DDX59: variants seen among roughly 807,000 people sequenced by gnomAD.
DDX59 encodes the protein DEAD-box helicase 59, also known as probable ATP-dependent RNA helicase DDX59.
In DDX59, 30 loss-of-function variants were observed where a neutral mutation model predicts 51.9. The observed-to-expected ratio is 0.58, with a 90% CI of 0.43 to 0.78. The LOEUF is 0.78. Ranked by LOEUF, DDX59 falls within the 30% of genes least tolerant of loss-of-function variation. The probability of loss-of-function intolerance (pLI) is 0.00; values close to 1 mark genes in which losing one functional copy is unlikely to be tolerated. For synonymous variants in DDX59, 255 were observed against 253.3 expected (o/e 1.01, Z -0.06); for missense variants, 672 against 730.8 (o/e 0.92, Z 0.93).
At chr1:200,652,585 A>AC (rs1430046427) in intron 4 of DDX59, among the ~76,000 whole-genome samples, 3 of 150,382 alleles carry the variant, frequency 2.0e-5, no homozygotes, top group African/African-American at 7.4e-5. Flanking sequence ...CCCAGGCTCC[A>AC]CCCCCACTTT....
Position 200,666,320 on chromosome 1 carries a change from C to G in DDX59, c.421G>C (p.Glu141Gln). The change falls in exon 2 of 8, where the codon GAA becomes CAA. Residue 141 changes from glutamate (E) to glutamine (Q), a missense_variant. Coordinates refer to ENST00000331314, the MANE Select transcript of DDX59 (RefSeq NM_001031725.6). ...CKAKHLLQVK[E>Q]KEEKSKLSNP... is the part of the protein sequence containing the mutation. ...CTGAGTTTTGATTTCTCTTCCTTTT[C>G]CTTAACTTGTAGAAGATGTTTCGCT... is the stretch of plus-strand genomic sequence containing the variant. The G allele has an allele frequency of 2.5e-6, 4 of 1,614,188 alleles. No individual in the cohort carries two copies. Among genetic ancestry groups the G allele is most frequent in the Non-Finnish European group, 3.4e-6 (4 of 1,180,036 alleles).
intron 4 of DDX59, chr1:200,654,628 G>A (rs1661897058): frequency 6.6e-6 from 1 of 152,200 alleles, no homozygotes; most frequent in East Asian, 1.9e-4. Context: ...ACAGAGCAGA[G>A]AGAAACAAAG....
Position 200,660,591 on chromosome 1 carries a change from A to G in DDX59, c.973-1475T>C, listed in dbSNP as rs555163564. Among the ~76,000 whole-genome samples, 12 of 152,266 alleles carry G rather than the reference A, an allele frequency of 7.9e-5. No individual in the cohort carries two copies. In the South Asian group the frequency reaches 2.1e-3, roughly 26 times the overall value. On this transcript the variant is annotated intron_variant, in intron 3 of 7. Coordinates refer to ENST00000331314, the MANE Select transcript of DDX59 (RefSeq NM_001031725.6). The stretch of plus-strand genomic sequence containing the variant: ...AGGAGGATTGGTCAAATAAATAAAC[A>G]AATACATAAATGAAAATGAGTGGCA...
At chr1:200,658,948 C>T in intron 4 of DDX59, 79 bp downstream of exon 4, 1 of 1,224,194 alleles carries the variant, frequency 8.2e-7, no homozygotes, top group Non-Finnish European at 1.2e-6. Flanking sequence ...AGGTACTGAA[C>T]ATACAATGAA....
chr1:200,641,416 C>G (rs1256293618), downstream of DDX59, among the ~76,000 whole-genome samples: 1 of 151,884 alleles, frequency 6.6e-6, no homozygotes, highest in Non-Finnish European at 1.5e-5. Flanking sequence ...AAAAAAGAAC[C>G]CACTTTGACT....
intron 2 of DDX59, among the ~76,000 whole-genome samples, chr1:200,665,500 A>G (rs1662667581): frequency 6.6e-6 from 1 of 151,920 alleles, no homozygotes; most frequent in African/African-American, 2.4e-5. Context: ...AGAAAAAGAA[A>G]AAGAAAAAAA....
intron 3 of DDX59, among the ~76,000 whole-genome samples, chr1:200,663,158 C>G (rs1662485756): frequency 6.6e-6 from 1 of 152,174 alleles, no homozygotes; most frequent in African/African-American, 2.4e-5. Context: ...TTCCCCAACT[C>G]CCTGCCAACC....
In DDX59 at chr1:200,666,409, C is replaced by A; in HGVS notation, c.332G>T (p.Cys111Phe). 1 of 1,614,200 alleles carries A rather than the reference C, an allele frequency of 6.2e-7. No individual in the cohort carries two copies. The change falls in exon 2 of 8, where the codon TGT (cysteine) becomes TTT (phenylalanine). Residue 111 changes from cysteine to phenylalanine, a missense_variant. By Grantham distance (205) the Cys-to-Phe change is radical (BLOSUM62 -2). Coordinates refer to ENST00000331314, the MANE Select transcript of DDX59 (RefSeq NM_001031725.6). Reference sequence around the variant, plus strand: ...ACAGATATACTCTCCATAACGACCACAGACAACACAGATGGGTTCCCCTGG... The same window carrying A: ...ACAGATATACTCTCCATAACGACCAAAGACAACACAGATGGGTTCCCCTGG... The part of the protein sequence containing the change: ...AEPGEPICVV[C>F]GRYGEYICDK...
chr1:200,644,428 T>C lies in DDX59; in HGVS notation c.1686A>G (p.Lys562=). The change falls in exon 8 of 8, where the codon AAA becomes AAG. Residue 562 remains lysine (K), a synonymous_variant. Coordinates refer to ENST00000331314, the MANE Select transcript of DDX59 (RefSeq NM_001031725.6). ...GAATGGATCCTGTGGGCTTTACTCG[T>C]TTTGCAATATCCCAGAAGAGTCTTT... The part of the protein sequence containing the change: ...NSKRLFWDIA[K]RVKPTGSILP... The C allele has an allele frequency of 6.2e-7, 1 of 1,613,796 alleles. No individual in the cohort carries two copies. Among genetic ancestry groups the C allele is most frequent in the Non-Finnish European group, 8.5e-7 (1 of 1,179,886 alleles).
chr1:200,641,303 G>A (rs775589051), downstream of DDX59: 211 of 1,053,000 alleles, frequency 2.0e-4, no homozygotes, highest in Admixed American at 5.0e-4. Context: ...ATGACAGGTC[G>A]TGGATCCAGC....
intron 4 of DDX59, among the ~76,000 whole-genome samples, chr1:200,656,097 T>G (rs1468685989): frequency 1.3e-5 from 2 of 152,226 alleles, no homozygotes; most frequent in East Asian, 3.8e-4. Flanking sequence ...CCCAAAGTAC[T>G]GGGATTACAG....
chr1:200,665,618 C>T (rs1473700818), intron 2 of DDX59, among the ~76,000 whole-genome samples: 3 of 152,194 alleles, frequency 2.0e-5, no homozygotes, highest in African/African-American at 7.2e-5. Flanking sequence ...CTCGTCTGGT[C>T]AGCTGGATCT....
In DDX59 at chr1:200,649,229, G is replaced by A; in HGVS notation, c.1315-3C>T. 1 of 1,557,978 alleles carries A rather than the reference G, an allele frequency of 6.4e-7. No individual in the cohort carries two copies. The highest frequency in any genetic ancestry group is 1.3e-5 in the South Asian group (1 of 79,204). ...GGAGGCTTAAAGAGTTTCTTATCCT[G>A]AAAAATTAAAAACATATATCAAAAA... is the stretch of plus-strand genomic sequence containing the variant. On this transcript the variant is annotated splice_region_variant and splice_polypyrimidine_tract_variant and intron_variant, in intron 5 of 7. Coordinates refer to ENST00000331314, the MANE Select transcript of DDX59 (RefSeq NM_001031725.6).
chr1:200,647,094 C>T (rs991624115), intron 7 of DDX59, among the ~76,000 whole-genome samples: 29 of 152,168 alleles, frequency 1.9e-4, no homozygotes, highest in Non-Finnish European at 2.8e-4. Flanking sequence ...AGCAACTGCA[C>T]TGAAGGCACT....
chr1:200,663,579 G>A (rs1363581010), intron 3 of DDX59, among the ~76,000 whole-genome samples: 2 of 152,150 alleles, frequency 1.3e-5, no homozygotes, highest in Admixed American at 6.5e-5. Flanking sequence ...TAGATCCTTA[G>A]ATAAACTCCA....
intron 7 of DDX59, among the ~76,000 whole-genome samples, chr1:200,647,316 A>G (rs1166791889): frequency 6.6e-6 from 1 of 152,196 alleles, no homozygotes; most frequent in Non-Finnish European, 1.5e-5. Context: ...AAGAAAGAAA[A>G]CTTTCAAAAG....
Position 200,666,657 on chromosome 1 carries a change from G to A in DDX59, c.84C>T (p.Asp28=), listed in dbSNP as rs1287812241. The A allele has an allele frequency of 1.1e-5, 18 of 1,614,028 alleles. No individual in the cohort carries two copies. Among genetic ancestry groups the A allele is most frequent in the Non-Finnish European group, 1.4e-5 (17 of 1,180,036 alleles). The stretch of plus-strand genomic sequence containing the variant: ...TTTTGTCCAACTGAAGGTCTTCTGG[G>A]TCTGGTTTAATTATCTTAGCCACAC... ...KSCVAKIIKP[D]PEDLQLDKSR... Residue 28 remains aspartate (D), a synonymous_variant, in exon 2 of 8, where the codon GAC becomes GAT. Transcript: ENST00000331314.
At chr1:200,669,460 T>G (rs1298769804) in intron 1 of DDX59, 1 of 152,636 alleles carries the variant, frequency 6.6e-6, no homozygotes, top group African/African-American at 2.4e-5. Flanking sequence ...GGCGGACGGC[T>G]GGCGGCGGCG....
chr1:200,663,884 A>T, intron 3 of DDX59, 35 bp downstream of exon 3: 2 of 1,498,934 alleles, frequency 1.3e-6, no homozygotes, highest in Non-Finnish European at 1.8e-6. Flanking sequence ...TGCTTACAAA[A>T]CTTTTCAAAG....
Sources: allele counts gnomAD v4.1 joint callset (sites outside exome capture counted in the v4.1 genomes callset), GRCh38; gene constraint gnomAD v4.1.1; transcripts MANE v1.5; gene names NCBI Gene and HGNC (gene_info 2026-07-23, HGNC 2026-07-21).